Variants in LYPD6 observed in about 807,000 individuals in gnomAD.
LYPD6 encodes ly6/PLAUR domain-containing protein 6.
Under a neutral mutation model 22.7 loss-of-function variants are expected in LYPD6, and 15 were observed. The ratio of observed to expected loss-of-function variants is 0.66; its 90% CI spans 0.44 to 1.02. The LOEUF is 1.02. LYPD6 is among the 50% of genes least tolerant of loss of function. The probability of loss-of-function intolerance (pLI) is 0.00; values close to 1 mark genes in which losing one functional copy is unlikely to be tolerated. For missense variants in LYPD6, 189 were observed against 208.4 expected, an observed-to-expected ratio of 0.91 and a Z score of 0.57; for synonymous variants, 72 against 77.5, an observed-to-expected ratio of 0.93 and a Z score of 0.37.
At chr2:149,432,856 A>T (rs994246595) in intron 1 of LYPD6, among the ~76,000 whole-genome samples, 4 of 152,166 alleles carry the variant, frequency 2.6e-5, no homozygotes, top group Non-Finnish European at 5.9e-5. Context: ...GACTATTTTG[A>T]GGTTATGTTC....
At chr2:149,344,723 A>G (rs1273837428) in intron 1 of LYPD6, among the ~76,000 whole-genome samples, 1 of 152,182 alleles carries the variant, frequency 6.6e-6, no homozygotes, top group East Asian at 1.9e-4. Context: ...AGCAGGTAAA[A>G]GCTGAAGTGC....
Position 149,468,635 on chromosome 2 carries a change from C to T in LYPD6, c.218-10C>T, listed in dbSNP as rs576054119. On this transcript the variant is annotated splice_polypyrimidine_tract_variant and intron_variant, in intron 3 of 4. Coordinates refer to ENST00000334166, the MANE Select transcript of LYPD6 (RefSeq NM_194317.5). ...ATTTCCCATCTCAAATATATTTTCTCTGTTGACAGAGACCAGATACTGCTA... is the reference window on the plus strand; with the variant it reads ...ATTTCCCATCTCAAATATATTTTCTTTGTTGACAGAGACCAGATACTGCTA... 16 of 1,610,666 alleles carry T rather than the reference C, an allele frequency of 9.9e-6. No homozygotes were observed. In the South Asian group the frequency reaches 1.3e-4, roughly 13 times the overall value.
chr2:149,409,910 G>A (rs1301622879), intron 1 of LYPD6, among the ~76,000 whole-genome samples: 1 of 152,164 alleles, frequency 6.6e-6, no homozygotes, highest in African/African-American at 2.4e-5. Flanking sequence ...GGGGCCTGCA[G>A]CAGTGATTCA....
chr2:149,461,772 CCA>C (rs1234740566), intron 3 of LYPD6, among the ~76,000 whole-genome samples: 1 of 151,916 alleles, frequency 6.6e-6, no homozygotes, highest in Non-Finnish European at 1.5e-5. Context: ...CCAATATAAT[CCA>C]CAGTGTTAAT....
intron 1 of LYPD6, among the ~76,000 whole-genome samples, chr2:149,391,485 G>A (rs1682309093): frequency 6.7e-6 from 1 of 150,292 alleles, no homozygotes. Flanking sequence ...AACTTATTTT[G>A]TTACTGGAGC....
intron 3 of LYPD6, among the ~76,000 whole-genome samples, chr2:149,460,662 A>T (rs1681068554): frequency 6.6e-6 from 1 of 152,182 alleles, no homozygotes; most frequent in Admixed American, 6.5e-5. Flanking sequence ...AGAACACTCC[A>T]TCCAGCAACA....
chr2:149,398,366 T>C (rs541189303), intron 1 of LYPD6, among the ~76,000 whole-genome samples: 25 of 152,228 alleles, frequency 1.6e-4, no homozygotes, highest in African/African-American at 5.8e-4. Context: ...TTTTTCCTAT[T>C]GTAGAAGATT....
At chr2:149,452,246 G>A (rs1161972017) in intron 3 of LYPD6, among the ~76,000 whole-genome samples, 1 of 152,294 alleles carries the variant, frequency 6.6e-6, no homozygotes, top group Non-Finnish European at 1.5e-5. Context: ...GGGGCCTTGA[G>A]CATCAGGTAA....
chr2:149,392,064 C>T (rs1273171758), intron 1 of LYPD6, among the ~76,000 whole-genome samples: 1 of 152,182 alleles, frequency 6.6e-6, no homozygotes, highest in African/African-American at 2.4e-5. Context: ...GAGGACCCAC[C>T]TCCTGGCTTA....
intron 3 of LYPD6, among the ~76,000 whole-genome samples, chr2:149,451,952 C>G (rs539730390): frequency 6.6e-6 from 1 of 152,256 alleles, no homozygotes; most frequent in Admixed American, 6.5e-5. Context: ...CAAGTGGAAC[C>G]TGGCATTAAG....
chr2:149,434,586 T>A (rs766483257), intron 1 of LYPD6, among the ~76,000 whole-genome samples: 6 of 152,226 alleles, frequency 3.9e-5, no homozygotes, highest in Non-Finnish European at 8.8e-5. Flanking sequence ...ATGATGTTTT[T>A]ATCACTCATC....
chr2:149,390,243 T>C (rs1208460534), intron 1 of LYPD6, among the ~76,000 whole-genome samples: 1 of 152,250 alleles, frequency 6.6e-6, no homozygotes, highest in Non-Finnish European at 1.5e-5. Flanking sequence ...CCATTTACTT[T>C]GGCTGTCTGG....
intron 1 of LYPD6, among the ~76,000 whole-genome samples, chr2:149,390,104 T>C (rs533397807): frequency 6.6e-6 from 1 of 152,358 alleles, no homozygotes; most frequent in South Asian, 2.1e-4. Context: ...TTGGTAGATA[T>C]TCTGTACAGG....
At chr2:149,374,526 T>C (rs1054633424) in intron 1 of LYPD6, among the ~76,000 whole-genome samples, 1 of 152,332 alleles carries the variant, frequency 6.6e-6, no homozygotes, top group East Asian at 1.9e-4. Flanking sequence ...CCGAGTGATA[T>C]TGTGTTGAAT....
At chr2:149,456,402 C>T (rs778522876) in intron 3 of LYPD6, among the ~76,000 whole-genome samples, 9 of 152,184 alleles carry the variant, frequency 5.9e-5, no homozygotes, top group Non-Finnish European at 1.2e-4. Context: ...TCCTCGCATG[C>T]CTGTTTTCAG....
At chr2:149,337,261 A>G (rs1025787126) in intron 1 of LYPD6, among the ~76,000 whole-genome samples, 3 of 152,162 alleles carry the variant, frequency 2.0e-5, no homozygotes, top group African/African-American at 7.2e-5. Flanking sequence ...AAACTCTGAT[A>G]AGCATGTAGA....
chr2:149,399,704 A>T (rs571467478), intron 1 of LYPD6, among the ~76,000 whole-genome samples: 1 of 134,548 alleles, frequency 7.4e-6, no homozygotes, highest in East Asian at 2.0e-4. Context: ...TATAAAATAA[A>T]ATATATAAAT....
intron 1 of LYPD6, among the ~76,000 whole-genome samples, chr2:149,377,058 C>T (rs1362845632): frequency 2.6e-5 from 4 of 152,210 alleles, no homozygotes; most frequent in African/African-American, 9.6e-5. Context: ...CACTATAGGG[C>T]TCCACTGTCT....
chr2:149,369,864 G>T (rs1681766603), intron 1 of LYPD6, among the ~76,000 whole-genome samples: 1 of 152,170 alleles, frequency 6.6e-6, no homozygotes, highest in Non-Finnish European at 1.5e-5. Context: ...GCATAAGTAT[G>T]CTTCTCTGTG....
Sources: gnomAD v4.1 joint callset for allele counts (sites outside exome capture counted in the v4.1 genomes callset) on GRCh38, gnomAD v4.1.1 for gene constraint, MANE v1.5 for transcripts, NCBI Gene and HGNC (gene_info 2026-07-23, HGNC 2026-07-21) for gene names.